Variants in BICC1 observed in about 807,000 individuals in gnomAD.
BICC1 encodes BicC family RNA binding protein 1.
Under a neutral mutation model 111.0 loss-of-function variants are expected in BICC1, and 43 were observed. That is an observed-to-expected ratio of 0.39 (90% CI 0.30 to 0.50). BICC1 has a LOEUF of 0.50. Among genes scored for constraint, BICC1 ranks in the 20% least tolerant of loss-of-function variants. The probability of loss-of-function intolerance (pLI) is 0.88; values close to 1 mark genes in which losing one functional copy is unlikely to be tolerated. For synonymous variants in BICC1, 467 were observed against 434.4 expected, an observed-to-expected ratio of 1.07 and a Z score of -0.93; for missense variants, 1,091 against 1,203.2, an observed-to-expected ratio of 0.91 and a Z score of 1.38.
At chr10:58,806,683 T>C in intron 16 of BICC1, 60 bp downstream of exon 16, 3 of 1,387,588 alleles carry the variant, frequency 2.2e-6, no homozygotes, top group Non-Finnish European at 3.0e-6. Flanking sequence ...TAAATGTTTT[T>C]TGAGTACTCA....
chr10:58,755,399 G>A (rs1425931171), intron 3 of BICC1, among the ~76,000 whole-genome samples: 2 of 152,190 alleles, frequency 1.3e-5, no homozygotes, highest in African/African-American at 2.4e-5. Flanking sequence ...TGATTCCTTG[G>A]TGGACAACCA....
At chr10:58,736,595 G>T (rs928773750) in intron 3 of BICC1, among the ~76,000 whole-genome samples, 1 of 152,158 alleles carries the variant, frequency 6.6e-6, no homozygotes, top group African/African-American at 2.4e-5. Flanking sequence ...CTGTAATGCC[G>T]TCTTTCCATT....
At chr10:58,526,221 A>G (rs1196934683) in intron 1 of BICC1, among the ~76,000 whole-genome samples, 1 of 151,926 alleles carries the variant, frequency 6.6e-6, no homozygotes, top group African/African-American at 2.4e-5. Flanking sequence ...AAAGCTGTAA[A>G]CACTTTAAAT....
At chr10:58,806,703 G>C in intron 16 of BICC1, 80 bp downstream of exon 16, 1 of 1,246,514 alleles carries the variant, frequency 8.0e-7, no homozygotes. Context: ...ATGGTGAATC[G>C]AGAACTTGAA....
intron 1 of BICC1, among the ~76,000 whole-genome samples, chr10:58,576,023 G>A (rs1844101498): frequency 6.6e-6 from 1 of 152,088 alleles, no homozygotes; most frequent in Admixed American, 6.6e-5. Context: ...GTTATTTGAG[G>A]ACAGTTGTTT....
chr10:58,614,725 A>T (rs763444732), intron 1 of BICC1, among the ~76,000 whole-genome samples: 9 of 152,156 alleles, frequency 5.9e-5, no homozygotes, highest in Non-Finnish European at 8.8e-5. Flanking sequence ...AAGGGGCATG[A>T]CAAAGTGTGA....
intron 1 of BICC1, among the ~76,000 whole-genome samples, chr10:58,588,865 C>T (rs941770273): frequency 7.2e-5 from 11 of 152,164 alleles, no homozygotes; most frequent in African/African-American, 2.4e-4. Context: ...ACACCTCTTG[C>T]GACTCACCAT....
intron 2 of BICC1, among the ~76,000 whole-genome samples, chr10:58,693,419 C>A (rs1589029506): frequency 6.6e-6 from 1 of 151,564 alleles, no homozygotes; most frequent in African/African-American, 2.4e-5. Flanking sequence ...AGTTCTAGAT[C>A]CTTGAGGAAT....
chr10:58,552,512 T>C (rs1326675636), intron 1 of BICC1, among the ~76,000 whole-genome samples: 2 of 152,040 alleles, frequency 1.3e-5, no homozygotes, highest in African/African-American at 4.8e-5. Flanking sequence ...ATTTTTTGTA[T>C]TTTTAGAAGA....
intron 1 of BICC1, among the ~76,000 whole-genome samples, chr10:58,519,980 C>G (rs894900836): frequency 3.9e-5 from 6 of 152,164 alleles, no homozygotes; most frequent in African/African-American, 9.7e-5. Flanking sequence ...TTGACAGGTT[C>G]AGTGTAGTTC....
chr10:58,805,131 A>G (rs1843669203), intron 15 of BICC1, among the ~76,000 whole-genome samples: 1 of 152,110 alleles, frequency 6.6e-6, no homozygotes, highest in Non-Finnish European at 1.5e-5. Flanking sequence ...TGTCACTACT[A>G]AAAATACAAA....
chr10:58,708,228 G>A (rs933167217), intron 3 of BICC1, among the ~76,000 whole-genome samples: 2 of 151,126 alleles, frequency 1.3e-5, no homozygotes, highest in South Asian at 4.2e-4. Context: ...CTGACCTCAA[G>A]TGATCTGCCT....
intron 2 of BICC1, among the ~76,000 whole-genome samples, chr10:58,636,828 A>G (rs1837967584): frequency 6.6e-6 from 1 of 152,188 alleles, no homozygotes; most frequent in African/African-American, 2.4e-5. Flanking sequence ...CATAGAATTG[A>G]TGTTAAAATT....
chr10:58,823,496 C>T (rs762531002), intron 20 of BICC1: 9 of 983,946 alleles, frequency 9.1e-6, no homozygotes, highest in Admixed American at 6.2e-5. Context: ...GAAACTGTAT[C>T]GATTAGGGTT....
chr10:58,740,140 C>T (rs1041078590), intron 3 of BICC1, among the ~76,000 whole-genome samples: 5 of 152,118 alleles, frequency 3.3e-5, no homozygotes, highest in African/African-American at 1.2e-4. Context: ...ATGCAGGAAC[C>T]TGCAGGAAGT....
intron 3 of BICC1, among the ~76,000 whole-genome samples, chr10:58,713,058 A>C (rs1036348208): frequency 1.3e-5 from 2 of 152,240 alleles, no homozygotes; most frequent in African/African-American, 4.8e-5. Flanking sequence ...TTAATGTATA[A>C]ATTTAAAAGC....
intron 20 of BICC1, among the ~76,000 whole-genome samples, chr10:58,825,691 G>A (rs1022950622): frequency 5.3e-5 from 8 of 152,198 alleles, no homozygotes; most frequent in East Asian, 3.9e-4. Flanking sequence ...ACAAGTATCC[G>A]CTTAAAGCAC....
Position 58,817,638 on chromosome 10 carries a change from T to C in BICC1, c.2610T>C (p.Asn870=), listed in dbSNP as rs1490696321. ...SLTGSNGCNL[N]SSFKGSDLPE... ...CAGGAAGCAATGGCTGTAACTTAAA[T>C]AGCTCTTTCAAAGGTTCTGACCTCC... The change falls in exon 19 of 21, where the codon AAT becomes AAC. Residue 870 remains asparagine (N), a synonymous_variant. Coordinates refer to ENST00000373886, the MANE Select transcript of BICC1 (RefSeq NM_001080512.3). 2 of 1,613,526 alleles carry C rather than the reference T, an allele frequency of 1.2e-6. No individual in the cohort carries two copies. The highest frequency in any genetic ancestry group is 1.7e-6 in the Non-Finnish European group (2 of 1,179,626).
In BICC1 at chr10:58,806,537, A is replaced by T. The variant is rs759181266; in HGVS notation, c.2182-47A>T. 4 of 1,555,242 alleles carry T rather than the reference A, an allele frequency of 2.6e-6. No individual in the cohort carries two copies. In the South Asian group the frequency reaches 3.4e-5, roughly 13 times the overall value. ...TCTCTAACCATGGAGTGTTGGCATG[A>T]CATTTGGAGAGACTGTCAATAAAGG... On this transcript the variant is annotated intron_variant, in intron 15 of 20. Transcript: ENST00000373886.
Sources: allele counts gnomAD v4.1 joint callset (sites outside exome capture counted in the v4.1 genomes callset), GRCh38; gene constraint gnomAD v4.1.1; transcripts MANE v1.5; gene names NCBI Gene and HGNC (gene_info 2026-07-23, HGNC 2026-07-21).